ITGAL: variants seen among roughly 807,000 people sequenced by gnomAD.
ITGAL encodes integrin alpha-L.
A neutral mutation model predicts 138.4 loss-of-function variants in ITGAL; 68 were observed. That is an observed-to-expected ratio of 0.49 (90% CI 0.40 to 0.60). The LOEUF (loss-of-function observed/expected upper bound fraction) is 0.60, where lower values mean the gene tolerates loss of function less well. Ranked by LOEUF, ITGAL falls within the 20% of genes least tolerant of loss-of-function variation. The pLI is 0.00. For missense variants in ITGAL, 1,256 were observed against 1,478.6 expected (o/e 0.85, Z 2.47); for synonymous variants, 561 against 584.3 (o/e 0.96, Z 0.57).
Position 30,521,586 on chromosome 16 carries a change from C to G in ITGAL, c.3434C>G (p.Ser1145Cys). Residue 1145 changes from serine to cysteine, a missense_variant, in exon 31 of 31, where the codon TCT (serine) becomes TGT (cysteine). Physicochemically the swap from Ser to Cys is moderately radical, Grantham distance 112 (BLOSUM62 -1). Coordinates refer to ENST00000356798, the MANE Select transcript of ITGAL (RefSeq NM_002209.3). ...IPAEDSEQLA[S>C]GQEAGDPGCL... ...GCAGAAGACTCTGAGCAGCTGGCAT[C>G]TGGGCAAGAGGCTGGGGATCCCGGC... 1 of 1,614,174 alleles carries G rather than the reference C, an allele frequency of 6.2e-7. No individual in the cohort carries two copies. The highest frequency in any genetic ancestry group is 1.1e-5 in the South Asian group (1 of 91,084).
chr16:30,513,718 A>G, intron 24 of ITGAL, 53 bp from the exon 25 acceptor site: 2 of 1,411,974 alleles, frequency 1.4e-6, no homozygotes, highest in Non-Finnish European at 2.0e-6. Flanking sequence ...AGCTTCCTGG[A>G]GCCCGGGTTG....
intron 17 of ITGAL, among the ~76,000 whole-genome samples, chr16:30,501,964 T>C (rs1227440329): frequency 1.3e-5 from 2 of 150,008 alleles, no homozygotes; most frequent in African/African-American, 4.9e-5. Context: ...ACCCAGGAGG[T>C]GGAGGTTGCA....
Position 30,472,852 on chromosome 16 carries a change from C to T in ITGAL, c.15C>T (p.Cys5=), listed in dbSNP as rs1355280947. 6.2e-7 allele frequency: 1 copy of T among 1,612,944 alleles called. No homozygotes were observed. Among genetic ancestry groups the T allele is most frequent in the East Asian group, 2.2e-5 (1 of 44,876 alleles). Reference sequence around the variant, plus strand: ...GTGCTGGAAGGATGAAGGATTCCTGCATCACTGTGATGGCCATGGCGCTGC... The same window carrying T: ...GTGCTGGAAGGATGAAGGATTCCTGTATCACTGTGATGGCCATGGCGCTGC... The part of the protein sequence containing the change: MKDS[C]ITVMAMALLS... Residue 5 remains cysteine, a synonymous_variant, in exon 1 of 31, where the codon TGC becomes TGT. Coordinates refer to ENST00000356798, the MANE Select transcript of ITGAL (RefSeq NM_002209.3).
chr16:30,479,303 C>G (rs1375511471), intron 5 of ITGAL, 28 bp from the exon 6 acceptor site: 1 of 1,613,596 alleles, frequency 6.2e-7, no homozygotes, highest in Non-Finnish European at 8.5e-7. Context: ...AGATGCTTCA[C>G]TGGGTCCCTT....
chr16:30,484,941 A>C (rs1189863993), intron 9 of ITGAL, among the ~76,000 whole-genome samples: 2 of 151,238 alleles, frequency 1.3e-5, no homozygotes, highest in South Asian at 2.1e-4. Context: ...CAAAACAAAA[A>C]AACAAAAAAA....
intron 17 of ITGAL, 32 bp from the exon 18 acceptor site, chr16:30,504,143 C>G: frequency 6.6e-7 from 1 of 1,517,058 alleles, no homozygotes; most frequent in Non-Finnish European, 9.2e-7. Context: ...AAGTTAGATT[C>G]ATGACATAGG....
intron 28 of ITGAL, 99 bp from the exon 29 acceptor site, chr16:30,518,525 C>T: frequency 2.6e-6 from 2 of 761,992 alleles, no homozygotes; most frequent in South Asian, 1.4e-5. Flanking sequence ...CCCCTGGAAC[C>T]CCTTCTCTGC....
chr16:30,506,864 A>G lies in ITGAL; in HGVS notation c.2508+8A>G. 1 of 1,613,690 alleles carries G rather than the reference A, an allele frequency of 6.2e-7. No homozygotes were observed. Among genetic ancestry groups the G allele is most frequent in the South Asian group, 1.1e-5 (1 of 91,078 alleles). On this transcript the variant is annotated splice_region_variant and intron_variant, in intron 21 of 30. Coordinates refer to ENST00000356798, the MANE Select transcript of ITGAL (RefSeq NM_002209.3). ...AAGGTGGAGATGCTGAAGGTGGGTG[A>G]GAGGACAGCGCCTGCCTGCGGGCAT...
In ITGAL at chr16:30,489,075, TC is replaced by T; in HGVS notation, c.1007-3del. ...GGGTCTCACCTGTTCTCTGCTTTGT[TC>T]CCCAGGCACAAGCAAACAGGACCTG... On this transcript the variant is annotated splice_region_variant and splice_polypyrimidine_tract_variant and intron_variant, in intron 9 of 30. Transcript: ENST00000356798. The T allele has an allele frequency of 6.2e-7, 1 of 1,612,778 alleles. No homozygotes were observed. The highest frequency in any genetic ancestry group is 8.5e-7 in the Non-Finnish European group (1 of 1,179,570).
chr16:30,488,194 C>CA (rs553242288), intron 9 of ITGAL, among the ~76,000 whole-genome samples: 24,101 of 105,370 alleles, frequency 0.23, 2,367 homozygotes, highest in Non-Finnish European at 0.29. Flanking sequence ...GACCCTGTCT[C>CA]AAAAAAAAAA....
Position 30,521,673 on chromosome 16 carries a change from C to A in ITGAL, c.*8C>A. The A allele has an allele frequency of 6.2e-7, 1 of 1,612,778 alleles. No individual in the cohort carries two copies. Among genetic ancestry groups the A allele is most frequent in the South Asian group, 1.1e-5 (1 of 91,000 alleles). On this transcript the variant is annotated 3_prime_UTR_variant, in exon 31 of 31. Transcript: ENST00000356798. Reference sequence around the variant, plus strand: ...GGTGGTGGCAAGGACTGAGTCCAGGCCTGTGAGGTGCAGAGTGCCCAGAAC... The same window carrying A: ...GGTGGTGGCAAGGACTGAGTCCAGGACTGTGAGGTGCAGAGTGCCCAGAAC...
chr16:30,499,733 A>ATGTGTATATATATATATATATATATATTT, intron 17 of ITGAL, among the ~76,000 whole-genome samples: 2 of 88,366 alleles, frequency 2.3e-5, no homozygotes, highest in Non-Finnish European at 3.8e-5. Context: ...ATATATATAT[A>ATGTGTATATATATATATATATATATATTT]TTTTTTTTTT....
At chr16:30,478,962 T>G (rs913936417) in intron 4 of ITGAL, 129 bp from the exon 5 acceptor site, 12 of 721,818 alleles carry the variant, frequency 1.7e-5, no homozygotes, top group Non-Finnish European at 3.0e-5. Context: ...TTCCTTGCCT[T>G]GGTAACCAGT....
intron 11 of ITGAL, among the ~76,000 whole-genome samples, chr16:30,490,122 G>C (rs1206367720): frequency 1.3e-5 from 2 of 151,870 alleles, no homozygotes; most frequent in Middle Eastern, 6.8e-3. Context: ...AGCTACTCAG[G>C]GGGCTGAGGC....
At chr16:30,502,976 G>A (rs992628786) in intron 17 of ITGAL, among the ~76,000 whole-genome samples, 2 of 151,676 alleles carry the variant, frequency 1.3e-5, no homozygotes, top group South Asian at 2.1e-4. Flanking sequence ...CACCATGCCT[G>A]GCTAATTTTT....
chr16:30,520,886 A>G (rs1270125706), intron 30 of ITGAL, among the ~76,000 whole-genome samples: 1 of 152,154 alleles, frequency 6.6e-6, no homozygotes, highest in African/African-American at 2.4e-5. Flanking sequence ...CGAGTTCGAG[A>G]CCAGCCTGAC....
intron 17 of ITGAL, among the ~76,000 whole-genome samples, chr16:30,500,614 A>C (rs1328826531): frequency 2.0e-5 from 3 of 151,868 alleles, no homozygotes; most frequent in African/African-American, 7.2e-5. Flanking sequence ...GAGTGATGCA[A>C]TCATGGCTCA....
At chr16:30,488,038 A>T (rs538720302) in intron 9 of ITGAL, among the ~76,000 whole-genome samples, 3 of 152,106 alleles carry the variant, frequency 2.0e-5, no homozygotes, top group East Asian at 3.9e-4. Context: ...TCTTAAGGAG[A>T]AGCTATATAA....
In ITGAL at chr16:30,521,609, G is replaced by A. The variant is rs141031571; in HGVS notation, c.3457G>A (p.Gly1153Ser). ...ATCTGGGCAAGAGGCTGGGGATCCC[G>A]GCTGCCTGAAGCCCCTCCATGAGAA... ...LASGQEAGDP[G>S]CLKPLHEKDS... Residue 1153 changes from glycine to serine, a missense_variant, in exon 31 of 31, where the codon GGC (glycine) becomes AGC (serine). By Grantham distance (56) the Gly-to-Ser change is moderately conservative. This residue lies in a region of ITGAL where 867 missense variants were observed against 972.5 expected (regional missense o/e 0.89). Coordinates refer to ENST00000356798, the MANE Select transcript of ITGAL (RefSeq NM_002209.3). The A allele has an allele frequency of 5.9e-5, 95 of 1,614,044 alleles. No individual in the cohort carries two copies. The African/African-American group carries it at 8.1e-4, about 14-fold the overall frequency.
Sources: allele counts gnomAD v4.1 joint callset (sites outside exome capture counted in the v4.1 genomes callset), GRCh38; gene constraint gnomAD v4.1.1; regional missense constraint gnomAD v4.1.1; transcripts MANE v1.5; gene names NCBI Gene and HGNC (gene_info 2026-07-23, HGNC 2026-07-21).